Variants in CABLES1 observed in about 807,000 individuals in gnomAD.
CABLES1 encodes the protein CDK5 and ABL1 enzyme substrate 1.
CABLES1 carries 36 observed loss-of-function variants against 57.8 expected under a neutral mutation model. The ratio of observed to expected loss-of-function variants is 0.62; its 90% CI spans 0.48 to 0.82. CABLES1 has a LOEUF of 0.82. CABLES1 is among the 40% of genes least tolerant of loss of function. The pLI, the probability that CABLES1 is intolerant of heterozygous loss-of-function variation, is 0.00. For synonymous variants in CABLES1, 374 were observed against 363.0 expected (o/e 1.03, Z -0.35); for missense variants, 767 against 836.6 (o/e 0.92, Z 1.03).
chr18:23,136,749 C>G, intron 1 of CABLES1, 142 bp downstream of exon 1: 1 of 524,088 alleles, frequency 1.9e-6, no homozygotes. Context: ...GCCCGAATCC[C>G]AAACCACGAG....
intron 1 of CABLES1, among the ~76,000 whole-genome samples, chr18:23,138,830 C>T (rs897648297): frequency 2.0e-5 from 3 of 152,096 alleles, no homozygotes; most frequent in African/African-American, 7.2e-5. Context: ...TTGTATTTTC[C>T]TTGGATTCAT....
Position 23,136,104 on chromosome 18 carries a change from C to A in CABLES1, c.342C>A (p.Ala114=). The A allele has an allele frequency of 8.4e-7, 1 of 1,186,628 alleles. No individual in the cohort carries two copies. Among genetic ancestry groups the A allele is most frequent in the Non-Finnish European group, 1.0e-6 (1 of 959,642 alleles). 73.5% of individuals were successfully genotyped at this position (1,186,628 alleles called of 1,614,324 possible). The change falls in exon 1 of 10, where the codon GCC becomes GCA. Residue 114 remains alanine (A), a synonymous_variant. Transcript: ENST00000256925. The part of the protein sequence containing the change: ...ARTRFSLLAA[A]ERGGCIALAA... ...CTCGGTTCAGCTTGCTCGCCGCTGC[C>A]GAGCGGGGCGGCTGCATCGCGCTCG...
chr18:23,218,159 C>A (rs1395381469), intron 4 of CABLES1, among the ~76,000 whole-genome samples: 1 of 152,222 alleles, frequency 6.6e-6, no homozygotes, highest in East Asian at 1.9e-4. Flanking sequence ...GGTACTTGAG[C>A]CTCCTTCCCA....
intron 1 of CABLES1, among the ~76,000 whole-genome samples, chr18:23,163,920 A>G (rs531231061): frequency 2.6e-4 from 39 of 152,282 alleles, no homozygotes; most frequent in South Asian, 8.3e-4. Context: ...TAATCTGTAT[A>G]ATAGCCTATA....
rs2047268219 is a variant in CABLES1, at chr18:23,194,551, C to G, written c.1010+11C>G. 4.5e-6 allele frequency: 7 copies of G among 1,572,538 alleles called. No homozygotes were observed. The highest frequency in any genetic ancestry group is 1.1e-5 in the South Asian group (1 of 90,138). ...TACCAGGAATGGCAGGTACTACATTCACACAGAAGCGGCTGCCAGCACCAG... is the reference window on the plus strand; with the variant it reads ...TACCAGGAATGGCAGGTACTACATTGACACAGAAGCGGCTGCCAGCACCAG... On this transcript the variant is annotated intron_variant, in intron 3 of 9. Transcript: ENST00000256925.
chr18:23,229,801 C>CA (rs1324271287), intron 4 of CABLES1, among the ~76,000 whole-genome samples: 1 of 152,194 alleles, frequency 6.6e-6, no homozygotes, highest in African/African-American at 2.4e-5. Context: ...AAGAGAGGGA[C>CA]AGCAAAGACC....
At chr18:23,137,219 A>AT (rs1568039078) in intron 1 of CABLES1, among the ~76,000 whole-genome samples, 1 of 151,994 alleles carries the variant, frequency 6.6e-6, no homozygotes, top group Admixed American at 6.6e-5. Flanking sequence ...GGCTTGAGGG[A>AT]TTTTTTTCCT....
At chr18:23,245,014 G>C (rs1403722153) in intron 7 of CABLES1, among the ~76,000 whole-genome samples, 2 of 152,222 alleles carry the variant, frequency 1.3e-5, no homozygotes, top group Non-Finnish European at 2.9e-5. Flanking sequence ...CCAACAACCT[G>C]TCTGCTCTGA....
At chr18:23,220,505 G>A (rs2047479197) in intron 4 of CABLES1, among the ~76,000 whole-genome samples, 1 of 152,204 alleles carries the variant, frequency 6.6e-6, no homozygotes, top group African/African-American at 2.4e-5. Context: ...TGTTGTGTTT[G>A]CTGCTGTGGA....
intron 1 of CABLES1, among the ~76,000 whole-genome samples, chr18:23,175,834 C>T (rs772015471): frequency 6.0e-4 from 92 of 152,244 alleles, no homozygotes; most frequent in Admixed American, 1.3e-3. Flanking sequence ...TATTGAGCAC[C>T]TCCTATGTAC....
chr18:23,196,588 A>G (rs563322447), intron 3 of CABLES1, among the ~76,000 whole-genome samples: 17 of 152,330 alleles, frequency 1.1e-4, no homozygotes, highest in Non-Finnish European at 8.8e-5. Flanking sequence ...TCTGCCCCAC[A>G]GCATTTGGGC....
At chr18:23,215,296 G>A (rs375387301) in intron 4 of CABLES1, among the ~76,000 whole-genome samples, 3 of 152,132 alleles carry the variant, frequency 2.0e-5, no homozygotes, top group Non-Finnish European at 2.9e-5. Flanking sequence ...CTGTGGCCCC[G>A]GGTCTGGCTA....
chr18:23,149,082 T>C (rs1253616184), intron 1 of CABLES1, among the ~76,000 whole-genome samples: 1 of 151,956 alleles, frequency 6.6e-6, no homozygotes, highest in Non-Finnish European at 1.5e-5. Flanking sequence ...TTAGTAGAGA[T>C]TGGGTTTTGC....
intron 7 of CABLES1, among the ~76,000 whole-genome samples, chr18:23,237,661 G>A (rs758152134): frequency 1.3e-5 from 2 of 152,262 alleles, no homozygotes; most frequent in Non-Finnish European, 2.9e-5. Flanking sequence ...GCCCCAGGCT[G>A]GGGATGACAG....
At chr18:23,144,244 C>T (rs1250849701) in intron 1 of CABLES1, among the ~76,000 whole-genome samples, 2 of 152,236 alleles carry the variant, frequency 1.3e-5, no homozygotes, top group Non-Finnish European at 2.9e-5. Context: ...TGATGGATTG[C>T]CCTGGGGCCA....
intron 9 of CABLES1, among the ~76,000 whole-genome samples, chr18:23,256,588 C>T (rs767444576): frequency 3.9e-5 from 6 of 152,166 alleles, no homozygotes; most frequent in African/African-American, 7.2e-5. Flanking sequence ...TCAAGTGAGT[C>T]TCCTGCTTCA....
rs1010505803 is a variant in CABLES1, at chr18:23,136,201, C to T, written c.439C>T (p.Pro147Ser). The change falls in exon 1 of 10, where the codon CCG (proline) becomes TCG (serine). Residue 147 changes from proline (P) to serine (S), a missense_variant. By Grantham distance (74) the Pro-to-Ser change is moderately conservative (BLOSUM62 -1). Transcript: ENST00000256925. ...GPCLPQPSSL[P>S]PLIPGGHATV... is the part of the protein sequence containing the mutation. ...CTGCCTCCCACAGCCCTCGTCGCTG[C>T]CGCCCTTGATTCCTGGCGGCCATGC... 4.1e-5 allele frequency: 51 copies of T among 1,251,300 alleles called. No individual in the cohort carries two copies. In the African/African-American group the frequency reaches 7.0e-4, roughly 17 times the overall value. 77.5% of individuals were successfully genotyped at this position (1,251,300 alleles called of 1,614,324 possible).
At chr18:23,191,536 G>A (rs935187969) in intron 2 of CABLES1, among the ~76,000 whole-genome samples, 1 of 152,148 alleles carries the variant, frequency 6.6e-6, no homozygotes, top group Admixed American at 6.5e-5. Flanking sequence ...AGTATTTTGG[G>A]AACTGTGGGG....
intron 1 of CABLES1, among the ~76,000 whole-genome samples, chr18:23,167,447 G>A (rs1209552184): frequency 6.6e-5 from 10 of 152,146 alleles, no homozygotes; most frequent in Admixed American, 5.9e-4. Context: ...AAAATATACT[G>A]TAAAAGGCTA....
Sources: gnomAD v4.1 joint callset for allele counts (sites outside exome capture counted in the v4.1 genomes callset) on GRCh38, gnomAD v4.1.1 for gene constraint, MANE v1.5 for transcripts, NCBI Gene and HGNC (gene_info 2026-07-23, HGNC 2026-07-21) for gene names.